FER1L6: variants seen among roughly 807,000 people sequenced by gnomAD.
FER1L6 encodes the protein fer-1-like protein 6.
A neutral mutation model predicts 219.2 loss-of-function variants in FER1L6; 177 were observed. That is an observed-to-expected ratio of 0.81 (90% CI 0.71 to 0.91). FER1L6 has a LOEUF of 0.91. Ranked by LOEUF, FER1L6 falls within the 40% of genes least tolerant of loss-of-function variation. The pLI is 0.00. For missense variants in FER1L6, 2,153 were observed against 2,259.9 expected (o/e 0.95, Z 0.96); for synonymous variants, 768 against 824.3 (o/e 0.93, Z 1.17).
At chr8:124,046,866 T>A (rs1340303555) in intron 21 of FER1L6, 1 of 152,232 alleles carries the variant, frequency 6.6e-6, no homozygotes, top group Admixed American at 6.5e-5. Flanking sequence ...GTGCCCACTT[T>A]TGCCTGTACA....
At chr8:123,974,400 T>C (rs1268252332) in intron 7 of FER1L6, among the ~76,000 whole-genome samples, 1 of 151,356 alleles carries the variant, frequency 6.6e-6, no homozygotes, top group Non-Finnish European at 1.5e-5. Context: ...CTTTGAGAGG[T>C]CGAGGTGGGT....
intron 26 of FER1L6, among the ~76,000 whole-genome samples, chr8:124,064,987 T>G (rs1820761594): frequency 6.6e-6 from 1 of 152,156 alleles, no homozygotes; most frequent in Non-Finnish European, 1.5e-5. Context: ...AAGGAGAGAT[T>G]GACAAGTACA....
At chr8:123,896,417 C>T (rs568654699) in intron 1 of FER1L6, among the ~76,000 whole-genome samples, 4 of 152,168 alleles carry the variant, frequency 2.6e-5, no homozygotes, top group Non-Finnish European at 5.9e-5. Context: ...GAATTTATTT[C>T]CTTACGGTAT....
intron 20 of FER1L6, among the ~76,000 whole-genome samples, chr8:124,045,285 C>T (rs931485883): frequency 6.6e-6 from 1 of 152,144 alleles, no homozygotes; most frequent in Non-Finnish European, 1.5e-5. Flanking sequence ...GCCAGATGGT[C>T]CAGGTGGAAC....
At chr8:123,940,513 T>C (rs952430644) in intron 1 of FER1L6, among the ~76,000 whole-genome samples, 1 of 152,172 alleles carries the variant, frequency 6.6e-6, no homozygotes, top group African/African-American at 2.4e-5. Context: ...AATTTTTGTA[T>C]TTTTAGTAGA....
intron 1 of FER1L6, among the ~76,000 whole-genome samples, chr8:123,899,357 TTTG>T (rs1426498934): frequency 6.6e-6 from 1 of 152,100 alleles, no homozygotes; most frequent in African/African-American, 2.4e-5. Flanking sequence ...GGATTGTTTG[TTTG>T]TTTTTTTCTT....
At position 123,877,142 on chromosome 8, in the gene FER1L6, G is replaced by T. The variant is rs553542206; in HGVS notation, c.-8+24957G>T. Among the ~76,000 whole-genome samples, 4 of 152,348 alleles carry T rather than the reference G, an allele frequency of 2.6e-5. No homozygotes were observed. In the South Asian group the frequency reaches 8.3e-4, roughly 32 times the overall value. On this transcript the variant is annotated intron_variant, in intron 1 of 40. Transcript: ENST00000522917. Reference sequence around the variant, plus strand: ...GTGCCCAGCACAACACCATAGAAATGTTTACTCATAGGACAAAATGATGAA... The same window carrying T: ...GTGCCCAGCACAACACCATAGAAATTTTTACTCATAGGACAAAATGATGAA...
chr8:124,019,556 T>C (rs1005122129), intron 16 of FER1L6, among the ~76,000 whole-genome samples: 1 of 152,200 alleles, frequency 6.6e-6, no homozygotes, highest in Non-Finnish European at 1.5e-5. Context: ...GCTTCCTATG[T>C]GCCACACACT....
chr8:123,980,857 C>A (rs1414807471), intron 11 of FER1L6, 46 bp downstream of exon 11: 2 of 1,487,814 alleles, frequency 1.3e-6, no homozygotes, highest in Admixed American at 1.9e-5. Context: ...TGAGGTGAAC[C>A]AGAGCAGGGA....
chr8:123,932,780 A>G (rs968626138), intron 1 of FER1L6, among the ~76,000 whole-genome samples: 1 of 152,352 alleles, frequency 6.6e-6, no homozygotes, highest in Admixed American at 6.5e-5. Context: ...GAGCACCTGC[A>G]TTTGCAAAAT....
At chr8:123,956,121 CAG>C in intron 2 of FER1L6, 47 bp downstream of exon 2, 1 of 1,514,530 alleles carries the variant, frequency 6.6e-7, no homozygotes, top group East Asian at 2.3e-5. Context: ...GAGAGTCTCG[CAG>C]AGTGACCCCT....
chr8:123,886,385 A>G (rs1196596333), intron 1 of FER1L6, among the ~76,000 whole-genome samples: 2 of 152,152 alleles, frequency 1.3e-5, no homozygotes, highest in Non-Finnish European at 2.9e-5. Context: ...AGAGTGGATT[A>G]TTCTCTGAGA....
intron 34 of FER1L6, among the ~76,000 whole-genome samples, chr8:124,093,786 TTAC>T (rs1190121124): frequency 6.6e-6 from 1 of 151,540 alleles, no homozygotes; most frequent in East Asian, 1.9e-4. Flanking sequence ...TTTATTTTTA[TTAC>T]TTTAATTATT....
chr8:124,059,853 G>T (rs1200448018), intron 22 of FER1L6, among the ~76,000 whole-genome samples: 1 of 152,114 alleles, frequency 6.6e-6, no homozygotes, highest in Non-Finnish European at 1.5e-5. Flanking sequence ...CCACTACCCT[G>T]CTGTGGTTCT....
intron 1 of FER1L6, among the ~76,000 whole-genome samples, chr8:123,923,604 T>C (rs527546506): frequency 2.0e-4 from 30 of 152,298 alleles, no homozygotes; most frequent in African/African-American, 7.0e-4. Context: ...GTGATGATGA[T>C]GATGACAATA....
rs1325313223 is a variant in FER1L6, at chr8:124,023,616, A to T, written c.2286+20A>T. ...CTCAAAGTAAGTGTGCAGTATTTTA[A>T]CTAAAAGAAGGGAGATTTCTGTTTC... On this transcript the variant is annotated intron_variant, in intron 18 of 40. Coordinates refer to ENST00000522917, the MANE Select transcript of FER1L6 (RefSeq NM_001039112.2). 6.2e-7 allele frequency: 1 copy of T among 1,611,782 alleles called. No homozygotes were observed. The highest frequency in any genetic ancestry group is 8.5e-7 in the Non-Finnish European group (1 of 1,178,482).
chr8:124,002,880 T>A (rs2089616923), intron 12 of FER1L6, among the ~76,000 whole-genome samples: 1 of 152,208 alleles, frequency 6.6e-6, no homozygotes, highest in African/African-American at 2.4e-5. Context: ...ACTATAATGT[T>A]TAAAATGGTT....
chr8:123,976,583 G>A (rs1351355367), intron 9 of FER1L6, among the ~76,000 whole-genome samples: 1 of 152,080 alleles, frequency 6.6e-6, no homozygotes, highest in Non-Finnish European at 1.5e-5. Flanking sequence ...CTCTTCATTG[G>A]AGAAAATGGA....
intron 18 of FER1L6, among the ~76,000 whole-genome samples, chr8:124,027,440 A>G (rs547592323): frequency 1.6e-3 from 237 of 152,356 alleles, no homozygotes; most frequent in Admixed American, 4.4e-3. Flanking sequence ...TAATCACTCA[A>G]TAAATGCTGG....
Sources: gnomAD v4.1 joint callset for allele counts (sites outside exome capture counted in the v4.1 genomes callset) on GRCh38, gnomAD v4.1.1 for gene constraint, MANE v1.5 for transcripts, NCBI Gene and HGNC (gene_info 2026-07-23, HGNC 2026-07-21) for gene names.